The following XPO7 variants were observed in gnomAD, a reference collection of about 807,000 sequenced individuals.
XPO7 encodes exportin-7.
A neutral mutation model predicts 144.3 loss-of-function variants in XPO7; 21 were observed. The ratio of observed to expected loss-of-function variants is 0.15; its 90% CI spans 0.10 to 0.21. XPO7 has a LOEUF of 0.21. Among genes scored for constraint, XPO7 ranks in the 10% least tolerant of loss-of-function variants. XPO7 has a pLI of 1.00. For synonymous variants in XPO7, 580 were observed against 499.6 expected (o/e 1.16, Z -2.15); for missense variants, 808 against 1,325.8 (o/e 0.61, Z 6.06).
intron 11 of XPO7, among the ~76,000 whole-genome samples, chr8:21,983,236 A>G (rs1374290717): frequency 6.6e-6 from 1 of 152,244 alleles, no homozygotes; most frequent in African/African-American, 2.4e-5. Flanking sequence ...TTCCAGAGCT[A>G]GAACACATAA....
chr8:21,993,730 T>C (rs1812842443), intron 19 of XPO7, among the ~76,000 whole-genome samples: 1 of 152,116 alleles, frequency 6.6e-6, no homozygotes, highest in Admixed American at 6.6e-5. Context: ...TGATTAAACA[T>C]AGTCTTATCT....
At chr8:21,985,860 TTAAAA>T (rs1315894783) in intron 13 of XPO7, among the ~76,000 whole-genome samples, 169 bp downstream of exon 13, 2 of 152,180 alleles carry the variant, frequency 1.3e-5, no homozygotes, top group Non-Finnish European at 2.9e-5. Flanking sequence ...GATCTTTACT[TTAAAA>T]TAAAAAACCA....
intron 1 of XPO7, among the ~76,000 whole-genome samples, chr8:21,954,947 G>T (rs1563319951): frequency 6.6e-6 from 1 of 152,130 alleles, no homozygotes; most frequent in Non-Finnish European, 1.5e-5. Flanking sequence ...TGAGATGTTG[G>T]TTAACATTCT....
At chr8:21,951,480 G>T (rs1342421815) in intron 1 of XPO7, among the ~76,000 whole-genome samples, 2 of 151,986 alleles carry the variant, frequency 1.3e-5, no homozygotes, top group Non-Finnish European at 2.9e-5. Flanking sequence ...TCAGATATTT[G>T]TTGTTGTATG....
rs1585469699 is a variant in XPO7 at position 21,985,653 on chromosome 8, T to C, written c.1539T>C (p.Thr513=). ...GTGGCCGGGTTTCTTTTGCCAGCAC[T>C]GATGAGCAAGACGCCATGGATGGTG... ...VIGGRVSFAS[T]DEQDAMDGEL... Residue 513 remains threonine, a synonymous_variant, in exon 13 of 28, where the codon ACT becomes ACC. Coordinates refer to ENST00000252512, the MANE Select transcript of XPO7 (RefSeq NM_015024.5). 2 of 1,613,796 alleles carry C rather than the reference T, an allele frequency of 1.2e-6. No individual in the cohort carries two copies. The highest frequency in any genetic ancestry group is 2.7e-5 in the African/African-American group (2 of 75,044).
rs1563333041 is a variant in XPO7, at chr8:21,985,570, C to G, written c.1472-16C>G. ...ACTATCACTGGAGGTGACACTGGGT[C>G]TGTCTCCTGCTGCAGGAAGGCTGAC... On this transcript the variant is annotated splice_polypyrimidine_tract_variant and intron_variant, in intron 12 of 27. Transcript: ENST00000252512. 6.2e-7 allele frequency: 1 copy of G among 1,610,952 alleles called. No individual in the cohort carries two copies. Among genetic ancestry groups the G allele is most frequent in the East Asian group, 2.2e-5 (1 of 44,868 alleles).
chr8:21,980,018 C>T (rs1181458171), intron 8 of XPO7, 66 bp from the exon 9 acceptor site: 4 of 1,435,162 alleles, frequency 2.8e-6, no homozygotes, highest in Non-Finnish European at 3.7e-6. Flanking sequence ...GGAGGTGGAA[C>T]GTTTCTGGTG....
At chr8:21,921,327 G>A (rs1416070416) in intron 1 of XPO7, 1 of 152,182 alleles carries the variant, frequency 6.6e-6, no homozygotes, top group Non-Finnish European at 1.5e-5. Flanking sequence ...TTTGGTTAAG[G>A]TAAGTCTAAG....
At chr8:21,980,037 T>C (rs768929270) in intron 8 of XPO7, 47 bp from the exon 9 acceptor site, 1 of 1,498,944 alleles carries the variant, frequency 6.7e-7, no homozygotes, top group Non-Finnish European at 8.9e-7. Context: ...TGAAAGTAAC[T>C]GTACAGTCTT....
chr8:21,978,593 C>T (rs1321948305), intron 8 of XPO7, among the ~76,000 whole-genome samples: 1 of 152,118 alleles, frequency 6.6e-6, no homozygotes, highest in Non-Finnish European at 1.5e-5. Context: ...GTAGCACAGT[C>T]AAGAGGGATG....
At chr8:21,946,461 A>G (rs1733802199) in intron 1 of XPO7, among the ~76,000 whole-genome samples, 1 of 151,866 alleles carries the variant, frequency 6.6e-6, no homozygotes, top group Admixed American at 6.6e-5. Flanking sequence ...TACTGTTCAG[A>G]TTACAGCACG....
chr8:21,945,882 G>C (rs928032838), intron 1 of XPO7, among the ~76,000 whole-genome samples: 1 of 152,156 alleles, frequency 6.6e-6, no homozygotes, highest in Admixed American at 6.5e-5. Context: ...AACCTATTCA[G>C]ACTGGAGTGT....
At chr8:21,984,931 C>G (rs1812530615) in intron 12 of XPO7, 92 bp downstream of exon 12, 1 of 1,348,010 alleles carries the variant, frequency 7.4e-7, no homozygotes, top group Admixed American at 2.2e-5. Context: ...TACCTCCCTG[C>G]AAAAGGATTC....
chr8:21,940,959 A>G (rs1468754536), intron 1 of XPO7, among the ~76,000 whole-genome samples: 4 of 152,134 alleles, frequency 2.6e-5, no homozygotes, highest in African/African-American at 9.7e-5. Context: ...ACCTAAACCT[A>G]GGGAACTCTA....
intron 20 of XPO7, among the ~76,000 whole-genome samples, chr8:21,994,764 A>G (rs1812886646): frequency 6.6e-6 from 1 of 152,178 alleles, no homozygotes; most frequent in African/African-American, 2.4e-5. Context: ...TGCTGAAAAA[A>G]ATAAAAAGGC....
In XPO7 at chr8:21,970,320, A is replaced by G. The variant is rs1246227954; in HGVS notation, c.426+10A>G. On this transcript the variant is annotated intron_variant, in intron 4 of 27. Coordinates refer to ENST00000252512, the MANE Select transcript of XPO7 (RefSeq NM_015024.5). The stretch of plus-strand genomic sequence containing the variant: ...CACAAGGTTTTTACAGGTACAGTGT[A>G]TATATTTGATGTAATGGGAATGGGA... 6.2e-7 allele frequency: 1 copy of G among 1,610,546 alleles called. No homozygotes were observed.
At chr8:21,927,198 G>A (rs1810484909) in intron 1 of XPO7, among the ~76,000 whole-genome samples, 2 of 151,690 alleles carry the variant, frequency 1.3e-5, no homozygotes, top group Non-Finnish European at 2.9e-5. Context: ...TCCAGCCTGG[G>A]TAACATAGCA....
Position 21,990,538 on chromosome 8 carries a change from A to G in XPO7, c.1932+131A>G, listed in dbSNP as rs7017844. ...AAAGACGGTGGTCCTGATTCCCACG[A>G]TACTGCCAGATTATACTTACGTCAT... On this transcript the variant is annotated intron_variant, in intron 17 of 27. Coordinates refer to ENST00000252512, the MANE Select transcript of XPO7 (RefSeq NM_015024.5). 1.2e-3 allele frequency: 1,200 copies of G among 1,026,194 alleles called. 10 individuals carry two copies. In the African/African-American group the frequency reaches 0.017, roughly 14 times the overall value. 63.6% of individuals were successfully genotyped at this position (1,026,194 alleles called of 1,614,324 possible). A position where few individuals can be genotyped will look rare whatever the true frequency, so the allele number is the denominator to read the frequency against.
chr8:21,952,967 A>G (rs909793402), intron 1 of XPO7, among the ~76,000 whole-genome samples: 8 of 152,144 alleles, frequency 5.3e-5, no homozygotes, highest in African/African-American at 1.7e-4. Context: ...GGTTTATAGA[A>G]AAACTGAGCA....
Sources: allele counts gnomAD v4.1 joint callset (sites outside exome capture counted in the v4.1 genomes callset), GRCh38; gene constraint gnomAD v4.1.1; transcripts MANE v1.5; gene names NCBI Gene and HGNC (gene_info 2026-07-23, HGNC 2026-07-21).